MAP1S: variants seen among roughly 807,000 people sequenced by gnomAD.
The protein encoded by MAP1S is microtubule-associated protein 1S.
Under a neutral mutation model 60.9 loss-of-function variants are expected in MAP1S, and 27 were observed. That is an observed-to-expected ratio of 0.44 (90% CI 0.33 to 0.61). The LOEUF is 0.61. Ranked by LOEUF, MAP1S falls within the 20% of genes least tolerant of loss-of-function variation. The pLI, the probability that MAP1S is intolerant of heterozygous loss-of-function variation, is 0.03. For synonymous variants in MAP1S, 826 were observed against 694.2 expected (o/e 1.19, Z -2.98); for missense variants, 1,608 against 1,486.6 (o/e 1.08, Z -1.34).
In MAP1S at chr19:17,725,830, T is replaced by C. The variant is rs1362781470; in HGVS notation, c.446T>C (p.Ile149Thr). The C allele has an allele frequency of 1.9e-6, 3 of 1,609,956 alleles. No individual in the cohort carries two copies. The highest frequency in any genetic ancestry group is 2.5e-6 in the Non-Finnish European group (3 of 1,178,562). The change falls in exon 5 of 7, where the codon ATC becomes ACC. Residue 149 changes from isoleucine to threonine, a missense_variant and splice_region_variant. Ile to Thr is a moderately conservative substitution (Grantham distance 89). Transcript: ENST00000324096. This position sits in a 1 kb window ranked among gnomAD's most constrained non-coding sequence, Gnocchi z 4.2. ...CCTTACCACTCCTCCTCCATACAGA[T>C]CCGGGACATCCTGGCCACCACGCCC... is the stretch of plus-strand genomic sequence containing the variant. The part of the protein sequence containing the change: ...HFLQVLKDRE[I>T]RDILATTPPP...
In MAP1S at chr19:17,719,553, C is replaced by G. The variant is rs749554226; in HGVS notation, c.51C>G (p.Leu17=). ...CTGCCGCGGCTCCGAGCTCACTGCT[C>G]CTCGTGGTGGGCAGCGAGTTCGGGA... ...SGAAAAPSSL[L]LVVGSEFGSP... Residue 17 remains leucine, a synonymous_variant, in exon 1 of 7, where the codon CTC becomes CTG. Transcript: ENST00000324096. 8.0e-7 allele frequency: 1 copy of G among 1,246,114 alleles called. No homozygotes were observed. Among genetic ancestry groups the G allele is most frequent in the Admixed American group, 4.2e-5 (1 of 23,674 alleles). The allele number at this position is 1,246,114 out of a possible 1,614,324, so 77.2% of individuals were successfully genotyped here.
chr19:17,733,190 CAGGGTCAGCCAGCAGCCGGCCCGG>C lies in MAP1S; in HGVS notation c.2789-2_2810del, dbSNP rs1363729318. ...CCCTGCCTCCCCATCCCCCCGCCCG[CAGGGTCAGCCAGCAGCCGGCCCGG>C]GGTGTCAGCCACCCCACCCAAGTCC... On this transcript the variant is annotated splice_acceptor_variant and coding_sequence_variant, in exon 6 of 7. Coordinates refer to ENST00000324096, the MANE Select transcript of MAP1S (RefSeq NM_018174.6). LOFTEE classifies it high-confidence loss of function. The C allele has an allele frequency of 6.5e-7, 1 of 1,531,290 alleles. No homozygotes were observed. Among genetic ancestry groups the C allele is most frequent in the Non-Finnish European group, 8.8e-7 (1 of 1,136,352 alleles). The allele number at this position is 1,531,290 out of a possible 1,614,324, so 94.9% of individuals were successfully genotyped here. A position where few individuals can be genotyped will look rare whatever the true frequency, so the allele number is the denominator to read the frequency against.
At position 17,719,586 on chromosome 19, in the gene MAP1S, G is replaced by T; in HGVS notation, c.84G>T (p.Gly28=). ...TGGGCAGCGAGTTCGGGAGCCCGGG[G>T]CTCCTCACCTACGTCCTGGAGGAGC... The part of the protein sequence containing the change: ...LVVGSEFGSP[G]LLTYVLEELE... The change falls in exon 1 of 7, where the codon GGG becomes GGT. Residue 28 remains glycine, a synonymous_variant. Coordinates refer to ENST00000324096, the MANE Select transcript of MAP1S (RefSeq NM_018174.6). 8.0e-7 allele frequency: 1 copy of T among 1,245,612 alleles called. No individual in the cohort carries two copies. The allele number at this position is 1,245,612 out of a possible 1,614,324, so 77.2% of individuals were successfully genotyped here. A position where few individuals can be genotyped will look rare whatever the true frequency, so the allele number is the denominator to read the frequency against.
chr19:17,721,399 G>A (rs374990310), intron 2 of MAP1S: 4 of 346,476 alleles, frequency 1.2e-5, no homozygotes, highest in South Asian at 2.2e-5. Context: ...AGAATGAACC[G>A]GGCGCGGTGG....
rs764840642 is a variant in MAP1S at position 17,726,456 on chromosome 19, G to T, written c.1072G>T (p.Ala358Ser). The stretch of plus-strand genomic sequence containing the variant: ...GCGCGGCGAGGATGAGGCGGAGCTG[G>T]CGCTGAGCCTCCTGGCGCAGCTGGG... ...LARGEDEAEL[A>S]LSLLAQLGIT... The change falls in exon 5 of 7, where the codon GCG (alanine) becomes TCG (serine). Residue 358 changes from alanine (A) to serine (S), a missense_variant. By Grantham distance (99) the Ala-to-Ser change is moderately conservative (BLOSUM62 1). This residue lies in a region of MAP1S where 1,167 missense variants were observed against 961.4 expected (regional missense o/e 1.21). Transcript: ENST00000324096. 27 of 1,553,020 alleles carry T rather than the reference G, an allele frequency of 1.7e-5. No individual in the cohort carries two copies. Among genetic ancestry groups the T allele is most frequent in the African/African-American group, 4.1e-5 (3 of 73,956 alleles).
At chr19:17,720,502 G>A (rs1481686330) in intron 1 of MAP1S, 2 of 1,514,088 alleles carry the variant, frequency 1.3e-6, no homozygotes, top group Non-Finnish European at 1.8e-6. Flanking sequence ...GTGTCAGGAA[G>A]GATGAGAAGG....
In MAP1S at chr19:17,726,763, C is replaced by T. The variant is rs761271785; in HGVS notation, c.1379C>T (p.Thr460Met). 7 of 1,561,084 alleles carry T rather than the reference C, an allele frequency of 4.5e-6. No homozygotes were observed. The South Asian group carries it at 4.7e-5, about 10-fold the overall frequency. Residue 460 changes from threonine (T) to methionine (M), a missense_variant, in exon 5 of 7, where the codon ACG becomes ATG. By Grantham distance (81) the Thr-to-Met change is moderately conservative (BLOSUM62 -1). This residue lies in a region of MAP1S where 1,167 missense variants were observed against 961.4 expected (regional missense o/e 1.21). Coordinates refer to ENST00000324096, the MANE Select transcript of MAP1S (RefSeq NM_018174.6). Reference sequence around the variant, plus strand: ...AGGTTCCTGCGAGAGCCCGTGGTGACGCCCCAGGACCTGGAGGGGCCGGGG... The same window carrying T: ...AGGTTCCTGCGAGAGCCCGTGGTGATGCCCCAGGACCTGGAGGGGCCGGGG... ...HLRFLREPVV[T>M]PQDLEGPGRA...
At chr19:17,733,073 C>A in intron 5 of MAP1S, 120 bp from the exon 6 acceptor site, 1 of 640,454 alleles carries the variant, frequency 1.6e-6, no homozygotes. Flanking sequence ...CCAGAAAACT[C>A]TGAGTTCAGG....
chr19:17,730,112 G>A (rs915658023), intron 5 of MAP1S, among the ~76,000 whole-genome samples: 1 of 152,072 alleles, frequency 6.6e-6, no homozygotes, highest in African/African-American at 2.4e-5. Flanking sequence ...CCGACTCAAC[G>A]TTTAATTTTG....
chr19:17,724,909 TA>T (rs1474730814), intron 3 of MAP1S, 139 bp from the exon 4 acceptor site: 4 of 1,026,990 alleles, frequency 3.9e-6, no homozygotes, highest in African/African-American at 3.2e-5. Flanking sequence ...ACTGCCTTCG[TA>T]GCTAGTTGAG....
At position 17,724,202 on chromosome 19, in the gene MAP1S, T is replaced by C; in HGVS notation, c.297T>C (p.Tyr99=). ...TGAACCCATCAGACAAGTCCCTGTA[T>C]GATGAGGTAGGGAATGGCTGACGTC... ...VLLNPSDKSL[Y]DELRNLLLDP... is the part of the protein sequence containing the mutation. The change falls in exon 3 of 7, where the codon TAT becomes TAC. Residue 99 remains tyrosine (Y), a synonymous_variant. Coordinates refer to ENST00000324096, the MANE Select transcript of MAP1S (RefSeq NM_018174.6). 6.2e-7 allele frequency: 1 copy of C among 1,613,758 alleles called. No homozygotes were observed. Among genetic ancestry groups the C allele is most frequent in the Non-Finnish European group, 8.5e-7 (1 of 1,179,834 alleles).
At position 17,726,937 on chromosome 19, in the gene MAP1S, A is replaced by C. The variant is rs1407239897; in HGVS notation, c.1553A>C (p.Glu518Ala). ...RAEAPRKTEK[E>A]AKTPRELKKD... ...GAGGCCCCACGCAAGACTGAGAAAG[A>C]AGCCAAGACCCCCCGGGAGTTGAAG... The change falls in exon 5 of 7, where the codon GAA (glutamate) becomes GCA (alanine). Residue 518 changes from glutamate (E) to alanine (A), a missense_variant. By Grantham distance (107) the Glu-to-Ala change is moderately radical. This residue lies in a region of MAP1S where 1,167 missense variants were observed against 961.4 expected (regional missense o/e 1.21). Coordinates refer to ENST00000324096, the MANE Select transcript of MAP1S (RefSeq NM_018174.6). The C allele has an allele frequency of 1.7e-5, 26 of 1,571,370 alleles. No individual in the cohort carries two copies. The Middle Eastern group carries it at 8.3e-4, about 50-fold the overall frequency.
Position 17,727,366 on chromosome 19 carries a change from G to T in MAP1S, c.1982G>T (p.Gly661Val). ...SERLSLSPLR[G>V]GEAGPDASPT... ...CGGCTGTCGCTGAGCCCACTGCGGG[G>T]CGGGGAGGCCGGGCCAGACGCCTCA... Residue 661 changes from glycine to valine, a missense_variant, in exon 5 of 7, where the codon GGC (glycine) becomes GTC (valine). Transcript: ENST00000324096. The surrounding 1 kb of genome is among the most constrained non-coding windows in gnomAD (Gnocchi z 4.1). 6.3e-7 allele frequency: 1 copy of T among 1,587,588 alleles called. No individual in the cohort carries two copies. The highest frequency in any genetic ancestry group is 8.5e-7 in the Non-Finnish European group (1 of 1,169,644).
intron 6 of MAP1S, 128 bp downstream of exon 6, chr19:17,733,556 C>T (rs911303948): frequency 2.7e-6 from 2 of 729,150 alleles, no homozygotes; most frequent in Middle Eastern, 3.7e-4. Flanking sequence ...GTGGGAGTCT[C>T]ACATGGCTCA....
Position 17,726,675 on chromosome 19 carries a change from C to T in MAP1S, c.1291C>T (p.Leu431=), listed in dbSNP as rs761373762. ...CCCCGGCGAGAAGGTGGTGCGCGTG[C>T]TGTTCCCCGGTTGCACCCCGCCCGC... The part of the protein sequence containing the change: ...AGPGEKVVRV[L]FPGCTPPACL... The change falls in exon 5 of 7, where the codon CTG becomes TTG. Residue 431 remains leucine, a synonymous_variant. Transcript: ENST00000324096. 4.4e-6 allele frequency: 7 copies of T among 1,583,550 alleles called. No individual in the cohort carries two copies. The African/African-American group carries it at 8.1e-5, about 18-fold the overall frequency.
In MAP1S at chr19:17,727,571, G is replaced by C. The variant is rs776156045; in HGVS notation, c.2187G>C (p.Ser729=). 1.7e-5 allele frequency: 27 copies of C among 1,607,036 alleles called. No individual in the cohort carries two copies. Among genetic ancestry groups the C allele is most frequent in the Non-Finnish European group, 2.1e-5 (25 of 1,179,384 alleles). ...TGCGTGGCCCCCGGGCGCGGCGCTCGGCTTCCCCACACGATGTGGACCTGT... is the reference window on the plus strand; with the variant it reads ...TGCGTGGCCCCCGGGCGCGGCGCTCCGCTTCCCCACACGATGTGGACCTGT... ...LPLRGPRARR[S]ASPHDVDLCL... Residue 729 remains serine, a synonymous_variant, in exon 5 of 7, where the codon TCG becomes TCC. Transcript: ENST00000324096. The surrounding 1 kb of genome is among the most constrained non-coding windows in gnomAD (Gnocchi z 4.1).
At position 17,728,182 on chromosome 19, in the gene MAP1S, G is replaced by A. The variant is rs1006102205; in HGVS notation, c.2788+10G>A. On this transcript the variant is annotated intron_variant, in intron 5 of 6. Coordinates refer to ENST00000324096, the MANE Select transcript of MAP1S (RefSeq NM_018174.6). Reference sequence around the variant, plus strand: ...ACTCGAGGCCCGTCGGGTGAGTACTGGAGCTGGGGCCCTGGGCTGGGTTAG... The same window carrying A: ...ACTCGAGGCCCGTCGGGTGAGTACTAGAGCTGGGGCCCTGGGCTGGGTTAG... 6.4e-7 allele frequency: 1 copy of A among 1,561,492 alleles called. No individual in the cohort carries two copies.
intron 6 of MAP1S, 90 bp from the exon 7 acceptor site, chr19:17,734,183 G>A (rs1599469491): frequency 1.8e-6 from 2 of 1,125,422 alleles, no homozygotes; most frequent in East Asian, 5.1e-5. Flanking sequence ...TGCCAGGAAA[G>A]GAAGGCGACT....
intron 1 of MAP1S, chr19:17,720,531 A>ACAGT (rs1027293871): frequency 1.3e-6 from 2 of 1,482,436 alleles, no homozygotes; most frequent in Admixed American, 4.5e-5. Flanking sequence ...GACTGAGAGG[A>ACAGT]CAGTCAGTCT....
Sources: gnomAD v4.1 joint callset for allele counts (sites outside exome capture counted in the v4.1 genomes callset) on GRCh38, gnomAD v4.1.1 for gene constraint, gnomAD v4.1.1 regional missense constraint, Gnocchi (gnomAD v3.1) non-coding constraint, MANE v1.5 for transcripts, NCBI Gene and HGNC (gene_info 2026-07-23, HGNC 2026-07-21) for gene names.